SLIT3: variants seen among roughly 807,000 people sequenced by gnomAD.
The protein encoded by SLIT3 is slit homolog 3 protein.
A neutral mutation model predicts 184.0 loss-of-function variants in SLIT3; 68 were observed. The ratio of observed to expected loss-of-function variants is 0.37; its 90% CI spans 0.30 to 0.45. The LOEUF (loss-of-function observed/expected upper bound fraction) is 0.45, where lower values mean the gene tolerates loss of function less well. SLIT3 is among the 20% of genes least tolerant of loss of function. SLIT3 has a pLI of 1.00. For missense variants in SLIT3, 1,707 were observed against 2,026.0 expected (o/e 0.84, Z 3.02); for synonymous variants, 831 against 828.6 (o/e 1.00, Z -0.05).
intron 20 of SLIT3, among the ~76,000 whole-genome samples, chr5:168,725,616 T>A (rs551965158): frequency 6.6e-6 from 1 of 152,350 alleles, no homozygotes; most frequent in East Asian, 1.9e-4. Flanking sequence ...GCTAGCCTGG[T>A]GCTTCTCAAA....
In SLIT3 at chr5:168,663,431, C is replaced by T. The variant is rs1378348944; in HGVS notation, c.*3023G>A. On this transcript the variant is annotated 3_prime_UTR_variant, in exon 36 of 36. Transcript: ENST00000519560. ...TCTGGCCGGCAGTGTTTTCTAGCCA[C>T]AGAGTAAACCACAGGGAGCTCTCAA... The T allele has an allele frequency of 6.6e-6, 1 of 152,306 alleles. No individual in the cohort carries two copies. Among genetic ancestry groups the T allele is most frequent in the African/African-American group, 2.4e-5 (1 of 41,450 alleles). 9.4% of individuals were successfully genotyped at this position (152,306 alleles called of 1,614,324 possible).
intron 4 of SLIT3, among the ~76,000 whole-genome samples, chr5:169,035,243 G>C (rs1000779133): frequency 1.3e-5 from 2 of 152,242 alleles, no homozygotes; most frequent in East Asian, 3.9e-4. Context: ...CCAGAGGAGA[G>C]GGTCATCTTG....
At chr5:169,202,554 A>T (rs1763934644) in intron 3 of SLIT3, among the ~76,000 whole-genome samples, 1 of 152,102 alleles carries the variant, frequency 6.6e-6, no homozygotes, top group Non-Finnish European at 1.5e-5. Context: ...CTGCTTCTCT[A>T]ACTTTTTGGA....
intron 4 of SLIT3, among the ~76,000 whole-genome samples, chr5:169,185,096 G>A (rs902452579): frequency 6.6e-6 from 1 of 152,210 alleles, no homozygotes; most frequent in African/African-American, 2.4e-5. Context: ...ACTACAGAGA[G>A]AATGACACAG....
At chr5:169,270,091 C>G (rs970658358) in intron 1 of SLIT3, among the ~76,000 whole-genome samples, 1 of 152,214 alleles carries the variant, frequency 6.6e-6, no homozygotes, top group Non-Finnish European at 1.5e-5. Context: ...CTCCCGCCCT[C>G]TCCTCAGCCA....
chr5:169,033,297 C>G (rs1451679882), intron 4 of SLIT3, among the ~76,000 whole-genome samples: 1 of 152,134 alleles, frequency 6.6e-6, no homozygotes, highest in Admixed American at 6.6e-5. Flanking sequence ...TTTTTTAGGG[C>G]TGAATAATAT....
intron 1 of SLIT3, among the ~76,000 whole-genome samples, chr5:169,275,001 C>T (rs991753691): frequency 7.9e-5 from 12 of 152,186 alleles, no homozygotes; most frequent in African/African-American, 2.9e-4. Flanking sequence ...TAAACGTTAG[C>T]GCTTTGTACG....
intron 5 of SLIT3, among the ~76,000 whole-genome samples, chr5:168,849,029 GAAGA>G (rs1758582096): frequency 6.6e-6 from 1 of 152,046 alleles, no homozygotes; most frequent in South Asian, 2.1e-4. Context: ...ACCAAAAAAA[GAAGA>G]AAGAGATAAA....
At chr5:168,784,048 A>C (rs1756066955) in intron 12 of SLIT3, among the ~76,000 whole-genome samples, 1 of 152,126 alleles carries the variant, frequency 6.6e-6, no homozygotes. Flanking sequence ...AGGCACTGTG[A>C]TACACATTCT....
chr5:168,904,247 T>TA (rs998090146), intron 4 of SLIT3, among the ~76,000 whole-genome samples: 3 of 152,046 alleles, frequency 2.0e-5, no homozygotes, highest in African/African-American at 7.2e-5. Flanking sequence ...CATTCTGGAT[T>TA]AAAAAAATAA....
chr5:169,189,952 G>A (rs763077731), intron 4 of SLIT3, among the ~76,000 whole-genome samples: 3 of 152,158 alleles, frequency 2.0e-5, no homozygotes, highest in African/African-American at 2.4e-5. Context: ...TACTCAAAGC[G>A]CAGGGAACTG....
At chr5:168,838,229 G>C (rs367881722) in intron 6 of SLIT3, among the ~76,000 whole-genome samples, 20 of 152,268 alleles carry the variant, frequency 1.3e-4, no homozygotes, top group African/African-American at 4.6e-4. Flanking sequence ...TTCGGAAAGA[G>C]TAGTCCCCTC....
At chr5:169,258,747 C>A (rs959259533) in intron 1 of SLIT3, among the ~76,000 whole-genome samples, 3 of 152,222 alleles carry the variant, frequency 2.0e-5, no homozygotes, top group Non-Finnish European at 4.4e-5. Flanking sequence ...CTAGGTCAGG[C>A]CACTGGCCTT....
At chr5:168,914,534 A>T (rs887276357) in intron 4 of SLIT3, among the ~76,000 whole-genome samples, 1 of 152,190 alleles carries the variant, frequency 6.6e-6, no homozygotes, top group African/African-American at 2.4e-5. Context: ...ATCTCTTGGT[A>T]ACTGAGGATG....
At chr5:169,114,437 G>A (rs565828880) in intron 4 of SLIT3, among the ~76,000 whole-genome samples, 13 of 152,158 alleles carry the variant, frequency 8.5e-5, no homozygotes, top group Admixed American at 3.3e-4. Context: ...AGGTCTGTAC[G>A]CCTCAACACT....
intron 1 of SLIT3, among the ~76,000 whole-genome samples, chr5:169,260,453 T>C (rs1440601790): frequency 1.3e-5 from 2 of 152,126 alleles, no homozygotes; most frequent in Admixed American, 6.5e-5. Context: ...GGGGTATTCG[T>C]CCTCCCTGAG....
chr5:168,751,353 A>T (rs1049844097), intron 18 of SLIT3, among the ~76,000 whole-genome samples: 1 of 152,224 alleles, frequency 6.6e-6, no homozygotes, highest in Non-Finnish European at 1.5e-5. Flanking sequence ...GCGACTAAGG[A>T]TAACAGAGCC....
intron 4 of SLIT3, among the ~76,000 whole-genome samples, chr5:169,018,934 G>A (rs1756496114): frequency 6.6e-6 from 1 of 152,216 alleles, no homozygotes; most frequent in Non-Finnish European, 1.5e-5. Context: ...CACTCGGAAT[G>A]CAGTTTTGCC....
At chr5:169,047,044 T>C (rs1338796417) in intron 4 of SLIT3, among the ~76,000 whole-genome samples, 1 of 152,132 alleles carries the variant, frequency 6.6e-6, no homozygotes, top group African/African-American at 2.4e-5. Context: ...AGGATTCAAG[T>C]TCTATTCGTA....
Sources: gnomAD v4.1 joint callset for allele counts (sites outside exome capture counted in the v4.1 genomes callset) on GRCh38, gnomAD v4.1.1 for gene constraint, MANE v1.5 for transcripts, NCBI Gene and HGNC (gene_info 2026-07-23, HGNC 2026-07-21) for gene names.